NOX4: variants seen among roughly 807,000 people sequenced by gnomAD.
NOX4 encodes kidney oxidase-1.
Under a neutral mutation model 87.6 loss-of-function variants are expected in NOX4, and 69 were observed. That is an observed-to-expected ratio of 0.79 (90% CI 0.65 to 0.96). The LOEUF (loss-of-function observed/expected upper bound fraction) is 0.96. Ranked by LOEUF, NOX4 falls within the 40% of genes least tolerant of loss-of-function variation. NOX4 has a pLI of 0.00. For synonymous variants in NOX4, 275 were observed against 238.2 expected, an observed-to-expected ratio of 1.15 and a Z score of -1.42; for missense variants, 680 against 681.5, an observed-to-expected ratio of 1.00 and a Z score of 0.02.
intron 8 of NOX4, among the ~76,000 whole-genome samples, chr11:89,412,607 A>T (rs1942538624): frequency 6.6e-6 from 1 of 152,140 alleles, no homozygotes; most frequent in South Asian, 2.1e-4. Context: ...ACTTTTTGAA[A>T]TGCATGATAA....
intron 4 of NOX4, among the ~76,000 whole-genome samples, chr11:89,445,352 C>CA (rs1335339910): frequency 3.3e-5 from 5 of 151,012 alleles, no homozygotes; most frequent in African/African-American, 9.9e-5. Context: ...CACACACACA[C>CA]ACACAAAAAT....
At chr11:89,484,426 CT>C (rs1946506196) in intron 2 of NOX4, among the ~76,000 whole-genome samples, 1 of 152,090 alleles carries the variant, frequency 6.6e-6, no homozygotes, top group South Asian at 2.1e-4. Flanking sequence ...TCGCTAGCTT[CT>C]TAAATTGCTA....
chr11:89,337,657 A>T, intron 15 of NOX4, 142 bp from the exon 16 acceptor site: 2 of 1,087,034 alleles, frequency 1.8e-6, no homozygotes, highest in Non-Finnish European at 2.6e-6. Flanking sequence ...GAATACACAC[A>T]CACATACATA....
chr11:89,523,230 G>C, the NOX4 span, among the ~76,000 whole-genome samples: 8 of 152,032 alleles, frequency 5.3e-5, no homozygotes, highest in South Asian at 1.7e-3. Context: ...CACCATGTTG[G>C]CCAGGATGAT....
intron 11 of NOX4, among the ~76,000 whole-genome samples, chr11:89,384,223 A>G (rs563362213): frequency 2.8e-4 from 43 of 152,014 alleles, no homozygotes; most frequent in Non-Finnish European, 5.4e-4. Context: ...ACAACCCATT[A>G]TTCTGTTTTG....
At chr11:89,575,476 T>A in the NOX4 span, among the ~76,000 whole-genome samples, 3 of 152,160 alleles carry the variant, frequency 2.0e-5, no homozygotes, top group Non-Finnish European at 2.9e-5. Context: ...AGTAAAATAA[T>A]CTGACAATTT....
chr11:89,540,862 T>G, the NOX4 span, among the ~76,000 whole-genome samples: 1 of 144,472 alleles, frequency 6.9e-6, no homozygotes, highest in African/African-American at 2.5e-5. Flanking sequence ...AGACCATGTT[T>G]CTTTCTAAGA....
chr11:89,551,730 C>T, the NOX4 span, among the ~76,000 whole-genome samples: 4,881 of 152,056 alleles, frequency 0.032, 165 homozygotes, highest in African/African-American at 0.082. Flanking sequence ...ACAATCATGT[C>T]ATCTGCAAAC....
chr11:89,549,291 C>A, the NOX4 span, among the ~76,000 whole-genome samples: 21 of 152,082 alleles, frequency 1.4e-4, no homozygotes, highest in African/African-American at 3.9e-4. Context: ...TAAAACCAAC[C>A]TTTTCTCAGA....
At chr11:89,380,411 A>G (rs1356534371) in intron 11 of NOX4, among the ~76,000 whole-genome samples, 2 of 152,128 alleles carry the variant, frequency 1.3e-5, no homozygotes, top group Non-Finnish European at 2.9e-5. Context: ...CATTTTTAGT[A>G]GTGTGCTTAA....
At chr11:89,336,606 C>T (rs367646756) in intron 16 of NOX4, among the ~76,000 whole-genome samples, 4 of 151,812 alleles carry the variant, frequency 2.6e-5, no homozygotes, top group South Asian at 2.1e-4. Flanking sequence ...GAGTGAACTG[C>T]GGAGAAAGGA....
At chr11:89,585,572 A>C in the NOX4 span, among the ~76,000 whole-genome samples, 2 of 152,304 alleles carry the variant, frequency 1.3e-5, no homozygotes, top group East Asian at 3.9e-4. Flanking sequence ...ACAGCCACAG[A>C]CAATGTATAA....
intron 11 of NOX4, among the ~76,000 whole-genome samples, chr11:89,393,867 T>A (rs1941293538): frequency 6.6e-6 from 1 of 152,162 alleles, no homozygotes; most frequent in Non-Finnish European, 1.5e-5. Flanking sequence ...GCCCTTTGTC[T>A]GAATAGTTAC....
chr11:89,541,365 TCA>T, the NOX4 span, among the ~76,000 whole-genome samples: 7 of 152,212 alleles, frequency 4.6e-5, no homozygotes, highest in Admixed American at 2.0e-4. Flanking sequence ...AATATTTTTC[TCA>T]CTTTCCTTCA....
the NOX4 span, among the ~76,000 whole-genome samples, chr11:89,529,352 C>T: frequency 2.0e-5 from 3 of 152,052 alleles, no homozygotes; most frequent in South Asian, 2.1e-4. Context: ...AATTTATAAT[C>T]GTAATCTAGT....
At chr11:89,407,539 CAT>C (rs1942254357) in intron 8 of NOX4, among the ~76,000 whole-genome samples, 1 of 152,012 alleles carries the variant, frequency 6.6e-6, no homozygotes, top group Non-Finnish European at 1.5e-5. Flanking sequence ...AGGATCTTAA[CAT>C]GTGCTATCAA....
chr11:89,399,826 T>C (rs1423605402), intron 11 of NOX4, among the ~76,000 whole-genome samples, 191 bp downstream of exon 11: 1 of 151,934 alleles, frequency 6.6e-6, no homozygotes, highest in East Asian at 1.9e-4. Flanking sequence ...TTGCAAGGTG[T>C]CAAAAAATAA....
chr11:89,480,558 A>C (rs1565343059), intron 2 of NOX4, among the ~76,000 whole-genome samples: 1 of 152,138 alleles, frequency 6.6e-6, no homozygotes, highest in Non-Finnish European at 1.5e-5. Flanking sequence ...CAGAGGGAGG[A>C]AAGAAGACGA....
chr11:89,466,283 C>T (rs894453491), intron 2 of NOX4, among the ~76,000 whole-genome samples: 1 of 152,166 alleles, frequency 6.6e-6, no homozygotes, highest in African/African-American at 2.4e-5. Flanking sequence ...ATACCAAGCA[C>T]ATGGTTATTT....
Sources: allele counts gnomAD v4.1 joint callset (sites outside exome capture counted in the v4.1 genomes callset), GRCh38; gene constraint gnomAD v4.1.1; transcripts MANE v1.5; gene names NCBI Gene and HGNC (gene_info 2026-07-23, HGNC 2026-07-21).